Variants in CHST8 observed in about 807,000 individuals in gnomAD.
The protein encoded by CHST8 is GALNAC-4-ST1.
CHST8 carries 10 observed loss-of-function variants against 15.0 expected under a neutral mutation model. The ratio of observed to expected loss-of-function variants is 0.67; its 90% CI spans 0.41 to 1.13. The LOEUF (loss-of-function observed/expected upper bound fraction) is 1.13, where lower values mean the gene tolerates loss of function less well. CHST8 is among the 50% of genes most tolerant of loss of function. The probability of loss-of-function intolerance (pLI) is 0.00; values close to 1 mark genes in which losing one functional copy is unlikely to be tolerated. For missense variants in CHST8, 634 were observed against 608.2 expected, an observed-to-expected ratio of 1.04 and a Z score of -0.45; for synonymous variants, 259 against 256.6, an observed-to-expected ratio of 1.01 and a Z score of -0.09.
In CHST8 at chr19:33,744,071, A is replaced by G. The variant is rs867703475; in HGVS notation, c.131-27342A>G. Among the ~76,000 whole-genome samples the G allele has an allele frequency of 4.5e-4, 68 of 152,248 alleles. No homozygotes were observed. In the Middle Eastern group the frequency reaches 0.01, roughly 23 times the overall value. On this transcript the variant is annotated intron_variant, in intron 3 of 4. Coordinates refer to ENST00000650847, the MANE Select transcript of CHST8 (RefSeq NM_001127895.2). ...CTCCCAAAGTGCTGGGATTACAGGC[A>G]TGAGCCCCCGTGCCCAGCCTCTCTG...
At chr19:33,709,697 G>C (rs1973513294) in intron 3 of CHST8, among the ~76,000 whole-genome samples, 1 of 151,914 alleles carries the variant, frequency 6.6e-6, no homozygotes. Flanking sequence ...GATTAATACA[G>C]GATTTAAAAT....
chr19:33,694,791 G>A (rs796357074), intron 3 of CHST8, among the ~76,000 whole-genome samples: 1 of 152,262 alleles, frequency 6.6e-6, no homozygotes, highest in African/African-American at 2.4e-5. Context: ...TGTTGGCCGG[G>A]CTGGTCTCGA....
At chr19:33,662,192 C>T (rs1478209814) in intron 1 of CHST8, among the ~76,000 whole-genome samples, 1 of 152,110 alleles carries the variant, frequency 6.6e-6, no homozygotes, top group Admixed American at 6.5e-5. Context: ...GCAGTTCTCT[C>T]GCATCAGCCC....
chr19:33,739,063 T>A (rs1249761052), intron 3 of CHST8, among the ~76,000 whole-genome samples: 2 of 152,110 alleles, frequency 1.3e-5, no homozygotes, highest in Non-Finnish European at 2.9e-5. Context: ...TCCCCCGCCC[T>A]CCTTCTGAAA....
At chr19:33,765,444 G>C (rs572649936) in intron 3 of CHST8, among the ~76,000 whole-genome samples, 80 of 151,950 alleles carry the variant, frequency 5.3e-4, no homozygotes, top group African/African-American at 9.7e-4. Context: ...AGCACCTCCC[G>C]TGATGGTTAA....
At chr19:33,738,823 T>C (rs2145336451) in intron 3 of CHST8, among the ~76,000 whole-genome samples, 1 of 152,234 alleles carries the variant, frequency 6.6e-6, no homozygotes, top group South Asian at 2.1e-4. Flanking sequence ...CTTCTGACCG[T>C]GGGTGATCCA....
intron 2 of CHST8, among the ~76,000 whole-genome samples, chr19:33,685,538 G>T (rs1428103202): frequency 5.3e-5 from 8 of 152,130 alleles, no homozygotes; most frequent in Non-Finnish European, 1.5e-5. Flanking sequence ...TTTTCTTATT[G>T]TCTGTTGGTC....
At chr19:33,665,351 G>A (rs916257221) in intron 1 of CHST8, among the ~76,000 whole-genome samples, 40 of 152,112 alleles carry the variant, frequency 2.6e-4, no homozygotes, top group Admixed American at 2.4e-3. Flanking sequence ...AATATTCTAG[G>A]CTTCATGGAC....
intron 3 of CHST8, among the ~76,000 whole-genome samples, chr19:33,720,095 C>A (rs998785051): frequency 1.3e-5 from 2 of 152,158 alleles, no homozygotes; most frequent in African/African-American, 4.8e-5. Flanking sequence ...TGGAGTCACC[C>A]TCTATGCCCA....
In CHST8 at chr19:33,659,059, C is replaced by CTTTTTTTTTTTTTTTTTT. The variant is rs71181374; in HGVS notation, c.-163-8702_-163-8685dup. Among the ~76,000 whole-genome samples, 3 of 78,842 alleles carry CTTTTTTTTTTTTTTTTTT rather than the reference C, an allele frequency of 3.8e-5. 1 individual carries two copies. Among genetic ancestry groups the CTTTTTTTTTTTTTTTTTT allele is most frequent in the African/African-American group, 5.4e-5 (1 of 18,682 alleles). The allele number at this position is 78,842 out of a possible 152,430, so 51.7% of individuals were successfully genotyped here. On this transcript the variant is annotated intron_variant, in intron 1 of 4. Transcript: ENST00000650847. ...TTATTGTTTCATGGTTAGGTAATGA[C>CTTTTTTTTTTTTTTTTTT]TTTTTTTTTTTTTTTTTTTTTTTGA...
At chr19:33,718,371 T>G (rs284330) in intron 3 of CHST8, among the ~76,000 whole-genome samples, 89,407 of 151,780 alleles carry the variant, frequency 0.59, 26,666 homozygotes, top group East Asian at 0.87. Context: ...GGCGTGAGCC[T>G]CTGTGCCCAA....
chr19:33,669,323 G>T (rs1972704924), intron 2 of CHST8, among the ~76,000 whole-genome samples: 1 of 152,168 alleles, frequency 6.6e-6, no homozygotes, highest in South Asian at 2.1e-4. Context: ...TCCCTTTTGG[G>T]TGTAGCTGAA....
intron 3 of CHST8, among the ~76,000 whole-genome samples, chr19:33,762,247 G>A (rs1974747433): frequency 6.6e-6 from 1 of 152,204 alleles, no homozygotes; most frequent in East Asian, 1.9e-4. Context: ...TAGACAGGCA[G>A]GGCACCAGCT....
chr19:33,762,842 G>A (rs1291850695), intron 3 of CHST8, among the ~76,000 whole-genome samples: 14 of 151,534 alleles, frequency 9.2e-5, no homozygotes, highest in African/African-American at 3.4e-4. Flanking sequence ...ACAGCAGTGG[G>A]TGTGTGCGCT....
At chr19:33,640,767 A>G (rs1432344505) in intron 1 of CHST8, among the ~76,000 whole-genome samples, 1 of 152,096 alleles carries the variant, frequency 6.6e-6, no homozygotes, top group Non-Finnish European at 1.5e-5. Flanking sequence ...GTCTTGCCCA[A>G]GAAGGAACCT....
chr19:33,660,399 G>A (rs894490405), intron 1 of CHST8, among the ~76,000 whole-genome samples: 3 of 152,162 alleles, frequency 2.0e-5, no homozygotes, highest in Admixed American at 6.5e-5. Context: ...GCCGTTCGTG[G>A]TGGGGGCAGA....
chr19:33,757,524 G>C (rs12610927), intron 3 of CHST8, among the ~76,000 whole-genome samples: 2 of 19,236 alleles, frequency 1.0e-4, no homozygotes, highest in Non-Finnish European at 2.0e-4. Context: ...GAAAGAAAGA[G>C]AAAGAAAGAA....
chr19:33,719,601 C>T (rs1177251124), intron 3 of CHST8, among the ~76,000 whole-genome samples: 1 of 151,982 alleles, frequency 6.6e-6, no homozygotes, highest in Non-Finnish European at 1.5e-5. Context: ...GACTGGACTG[C>T]AGCCCCAGGG....
intron 1 of CHST8, among the ~76,000 whole-genome samples, chr19:33,665,973 C>T (rs563122869): frequency 2.0e-4 from 30 of 152,202 alleles, no homozygotes; most frequent in Admixed American, 2.0e-4. Flanking sequence ...AGCTGGAGGC[C>T]GAAAGGCAGG....
Sources: allele counts gnomAD v4.1 joint callset (sites outside exome capture counted in the v4.1 genomes callset), GRCh38; gene constraint gnomAD v4.1.1; transcripts MANE v1.5; gene names NCBI Gene and HGNC (gene_info 2026-07-23, HGNC 2026-07-21).